MED12L: variants seen among roughly 807,000 people sequenced by gnomAD.
MED12L encodes mediator complex subunit 12L, also known as mediator of RNA polymerase II transcription subunit 12-like protein.
In MED12L, 60 loss-of-function variants were observed where a neutral mutation model predicts 281.3. The observed-to-expected ratio is 0.21, with a 90% CI of 0.17 to 0.26. MED12L has a LOEUF of 0.26. Among genes scored for constraint, MED12L ranks in the 10% least tolerant of loss-of-function variants. MED12L has a pLI of 1.00. For missense variants in MED12L, 2,146 were observed against 2,680.9 expected (o/e 0.80, Z 4.41); for synonymous variants, 974 against 987.2 (o/e 0.99, Z 0.25).
intron 2 of MED12L, among the ~76,000 whole-genome samples, chr3:151,112,747 G>C (rs977260758): frequency 1.3e-5 from 2 of 152,110 alleles, no homozygotes; most frequent in Non-Finnish European, 2.9e-5. Flanking sequence ...ATGGTGTGTG[G>C]GGTTTGATGG....
chr3:151,336,629 C>A (rs757799958), intron 16 of MED12L: 10 of 443,274 alleles, frequency 2.3e-5, no homozygotes, highest in Middle Eastern at 4.5e-4. Flanking sequence ...AGCGAATATG[C>A]CTTGTGTAGA....
chr3:151,105,134 C>G (rs891165569), intron 2 of MED12L, among the ~76,000 whole-genome samples: 6 of 152,184 alleles, frequency 3.9e-5, no homozygotes, highest in Non-Finnish European at 7.3e-5. Flanking sequence ...TGGTCTGGTA[C>G]TAGCTATTGC....
chr3:151,206,115 T>C (rs1726322894), intron 16 of MED12L, among the ~76,000 whole-genome samples: 1 of 147,730 alleles, frequency 6.8e-6, no homozygotes, highest in Non-Finnish European at 1.5e-5. Context: ...CTTTCCCACC[T>C]GCGTTAGCCC....
chr3:151,121,485 A>G (rs922606769), intron 3 of MED12L, among the ~76,000 whole-genome samples: 3 of 152,192 alleles, frequency 2.0e-5, no homozygotes, highest in Admixed American at 1.3e-4. Context: ...CCTATAGACT[A>G]ATTGTTTATT....
chr3:151,156,544 C>T (rs1719311794), intron 6 of MED12L, among the ~76,000 whole-genome samples: 1 of 152,230 alleles, frequency 6.6e-6, no homozygotes, highest in African/African-American at 2.4e-5. Flanking sequence ...AGCTTTCAAT[C>T]ATGTTAGCTC....
chr3:151,235,017 T>A (rs1732450758), intron 16 of MED12L, among the ~76,000 whole-genome samples: 1 of 152,228 alleles, frequency 6.6e-6, no homozygotes, highest in South Asian at 2.1e-4. Context: ...TCAGGCGTGT[T>A]TTTTTGTATG....
At chr3:151,141,166 G>GTTTTTTTTGTTTGTTTGTTTGTTT (rs1716883798) in intron 5 of MED12L, among the ~76,000 whole-genome samples, 2 of 98,122 alleles carry the variant, frequency 2.0e-5, no homozygotes, top group African/African-American at 1.1e-4. Flanking sequence ...CGTGCCTGGC[G>GTTTTTTTTGTTTGTTTGTTTGTTT]TTTTTTTTTT....
rs930859803 is a variant in MED12L at position 151,374,385 on chromosome 3, T to TA, written c.3864+1624dup. On this transcript the variant is annotated intron_variant, in intron 27 of 44. Coordinates refer to ENST00000687756, the MANE Select transcript of MED12L (RefSeq NM_001393769.1). Reference sequence around the variant, plus strand: ...CAACATGGTGAAACCCCATCTCTACTAAAAATACAAAAATTAGCCAGGTGT... The same window carrying TA: ...CAACATGGTGAAACCCCATCTCTACTAAAAAATACAAAAATTAGCCAGGTGT... Among the ~76,000 whole-genome samples, 132 of 152,094 alleles carry TA rather than the reference T, an allele frequency of 8.7e-4. 1 individual carries two copies. Among genetic ancestry groups the TA allele is most frequent in the African/African-American group, 3.1e-3 (128 of 41,520 alleles).
chr3:151,212,975 T>A, intron 16 of MED12L: 2 of 161,174 alleles, frequency 1.2e-5, no homozygotes, highest in Admixed American at 6.4e-5. Flanking sequence ...GTGTTTTATT[T>A]ACTATTTAAA....
intron 16 of MED12L, chr3:151,261,577 C>G (rs1738889793): frequency 3.3e-5 from 5 of 152,204 alleles, no homozygotes; most frequent in Admixed American, 3.3e-4. Flanking sequence ...GGTTCCTGGG[C>G]CTGGATCAGC....
In MED12L at chr3:151,122,826, T is replaced by A; in HGVS notation, c.248T>A (p.Leu83His). Residue 83 changes from leucine (L) to histidine (H), a missense_variant, in exon 4 of 45, where the codon CTT becomes CAT. Leu to His is a moderately conservative substitution (Grantham distance 99). Transcript: ENST00000687756. The stretch of plus-strand genomic sequence containing the variant: ...AGCATATTAGCTGAGAAACTGAAGC[T>A]TAACACTTTCCAGGACACGGGAAAG... Reference protein sequence around the residue: ...FSSILAEKLKLNTFQDTGKKK... With the variant: ...FSSILAEKLKHNTFQDTGKKK... 1 of 1,610,890 alleles carries A rather than the reference T, an allele frequency of 6.2e-7. No individual in the cohort carries two copies. The highest frequency in any genetic ancestry group is 8.5e-7 in the Non-Finnish European group (1 of 1,178,636).
chr3:151,092,585 G>A (rs544218249), intron 2 of MED12L, among the ~76,000 whole-genome samples: 2 of 152,306 alleles, frequency 1.3e-5, no homozygotes, highest in African/African-American at 4.8e-5. Flanking sequence ...TGTTAGCATC[G>A]AAAACTCTTA....
At chr3:151,255,285 T>A (rs1361699858) in intron 16 of MED12L, among the ~76,000 whole-genome samples, 1 of 152,204 alleles carries the variant, frequency 6.6e-6, no homozygotes, top group Non-Finnish European at 1.5e-5. Flanking sequence ...TTGGGATTTA[T>A]ACTAATGGGT....
intron 2 of MED12L, among the ~76,000 whole-genome samples, chr3:151,089,068 C>T (rs1322851233): frequency 6.6e-6 from 1 of 152,044 alleles, no homozygotes; most frequent in African/African-American, 2.4e-5. Flanking sequence ...AGATTTCTAC[C>T]CTACCCCTGT....
chr3:151,141,189 T>TTTTTTTTGTTTTG (rs1553808538), intron 5 of MED12L, among the ~76,000 whole-genome samples: 1 of 138,048 alleles, frequency 7.2e-6, no homozygotes, highest in African/African-American at 2.9e-5. Flanking sequence ...TTTTTTTTGT[T>TTTTTTTTGTTTTG]TTTTTTTTTT....
At chr3:151,294,857 A>G (rs1744858907) in intron 16 of MED12L, 2 of 1,614,130 alleles carry the variant, frequency 1.2e-6, no homozygotes, top group Non-Finnish European at 1.7e-6. Context: ...CCCAAGGAAC[A>G]CGATGGAAGT....
intron 14 of MED12L, among the ~76,000 whole-genome samples, chr3:151,191,724 T>C (rs928450587): frequency 3.3e-5 from 5 of 152,108 alleles, no homozygotes; most frequent in African/African-American, 1.2e-4. Flanking sequence ...CTGACCAACA[T>C]GGAGAAACCC....
At chr3:151,404,722 A>C (rs1202053771) in intron 39 of MED12L, among the ~76,000 whole-genome samples, 2 of 152,226 alleles carry the variant, frequency 1.3e-5, no homozygotes, top group Non-Finnish European at 2.9e-5. Context: ...TATAGATATA[A>C]CTTGTCTCTC....
Position 151,093,499 on chromosome 3 carries a change from A to C in MED12L, c.99+6474A>C, listed in dbSNP as rs114517732. On this transcript the variant is annotated intron_variant, in intron 2 of 44. Coordinates refer to ENST00000687756, the MANE Select transcript of MED12L (RefSeq NM_001393769.1). ...GTGAACTGGGCTCCCCCTTATTCCT[A>C]CCTGCTGCCCTTGATTTGATATATT... is the stretch of plus-strand genomic sequence containing the variant. Among the ~76,000 whole-genome samples the C allele has an allele frequency of 6.6e-3, 999 of 152,272 alleles. 12 individuals carry two copies. The highest frequency in any genetic ancestry group is 0.022 in the African/African-American group (933 of 41,538).
Sources: allele counts gnomAD v4.1 joint callset (sites outside exome capture counted in the v4.1 genomes callset), GRCh38; gene constraint gnomAD v4.1.1; transcripts MANE v1.5; gene names NCBI Gene and HGNC (gene_info 2026-07-23, HGNC 2026-07-21).